CACNA2D3: variants seen among roughly 807,000 people sequenced by gnomAD.
CACNA2D3 encodes the protein calcium voltage-gated channel auxiliary subunit alpha2delta 3.
In CACNA2D3, 60 loss-of-function variants were observed where a neutral mutation model predicts 160.6. That is an observed-to-expected ratio of 0.37 (90% CI 0.30 to 0.46). The LOEUF (loss-of-function observed/expected upper bound fraction) is 0.46, where lower values mean the gene tolerates loss of function less well. Ranked by LOEUF, CACNA2D3 falls within the 20% of genes least tolerant of loss-of-function variation. The probability of loss-of-function intolerance (pLI) is 1.00; values close to 1 mark genes in which losing one functional copy is unlikely to be tolerated. For missense variants in CACNA2D3, 1,205 were observed against 1,365.0 expected (o/e 0.88, Z 1.85); for synonymous variants, 558 against 492.9 (o/e 1.13, Z -1.75).
intron 9 of CACNA2D3, among the ~76,000 whole-genome samples, chr3:54,605,903 C>T (rs1698598303): frequency 6.6e-6 from 1 of 152,174 alleles, no homozygotes; most frequent in South Asian, 2.1e-4. Context: ...TGCTCCAGCT[C>T]ATTTGAGTGA....
At chr3:54,562,631 G>C (rs1702344649) in intron 5 of CACNA2D3, among the ~76,000 whole-genome samples, 169 bp from the exon 6 acceptor site, 2 of 152,222 alleles carry the variant, frequency 1.3e-5, no homozygotes, top group African/African-American at 4.8e-5. Context: ...GGAATCCCCA[G>C]CATCTGGACA....
At chr3:54,713,689 C>T (rs939904359) in intron 11 of CACNA2D3, among the ~76,000 whole-genome samples, 12 of 152,182 alleles carry the variant, frequency 7.9e-5, no homozygotes, top group Non-Finnish European at 1.6e-4. Flanking sequence ...CTGGCAGAAA[C>T]TGCTAGGTCA....
In CACNA2D3 at chr3:54,963,710, A is replaced by C. The variant is rs189917207; in HGVS notation, c.2450-4740A>C. Among the ~76,000 whole-genome samples, 237 of 152,276 alleles carry C rather than the reference A, an allele frequency of 1.6e-3. 1 individual carries two copies. The highest frequency in any genetic ancestry group is 0.014 in the Middle Eastern group (4 of 294). Reference sequence around the variant, plus strand: ...TTTCTGTCAGCTCTGGGGATGCTGAAGTGTGAATCTCTCTTCGGTGATTTG... The same window carrying C: ...TTTCTGTCAGCTCTGGGGATGCTGACGTGTGAATCTCTCTTCGGTGATTTG... On this transcript the variant is annotated intron_variant, in intron 27 of 37. Transcript: ENST00000474759.
At chr3:54,480,594 T>C (rs187473430) in intron 4 of CACNA2D3, among the ~76,000 whole-genome samples, 1 of 152,136 alleles carries the variant, frequency 6.6e-6, no homozygotes, top group African/African-American at 2.4e-5. Context: ...ATAAAATATG[T>C]ATGAAATTTT....
chr3:54,558,972 G>A (rs1447681100), intron 5 of CACNA2D3, among the ~76,000 whole-genome samples: 2 of 152,058 alleles, frequency 1.3e-5, no homozygotes, highest in African/African-American at 2.4e-5. Context: ...GCTGAGGGGG[G>A]ATAGGAGGTA....
intron 4 of CACNA2D3, among the ~76,000 whole-genome samples, chr3:54,431,868 A>C (rs2106774866): frequency 6.6e-6 from 1 of 152,324 alleles, no homozygotes; most frequent in Admixed American, 6.5e-5. Context: ...TCAGCCTCCC[A>C]AAGTGCCGGG....
chr3:54,436,068 A>G (rs1027386616), intron 4 of CACNA2D3, among the ~76,000 whole-genome samples: 2 of 152,222 alleles, frequency 1.3e-5, no homozygotes, highest in African/African-American at 2.4e-5. Flanking sequence ...AGAGAGACCT[A>G]AAGGATCTTT....
At chr3:54,247,469 TAAA>T (rs989337430) in intron 2 of CACNA2D3, among the ~76,000 whole-genome samples, 1 of 151,862 alleles carries the variant, frequency 6.6e-6, no homozygotes, top group East Asian at 1.9e-4. Context: ...GCATTGGAAA[TAAA>T]AAATATTTTA....
intron 35 of CACNA2D3, among the ~76,000 whole-genome samples, chr3:55,045,527 A>C (rs901745078): frequency 6.6e-6 from 1 of 152,210 alleles, no homozygotes; most frequent in African/African-American, 2.4e-5. Flanking sequence ...ATCTGGGCTT[A>C]GAGATTTCGT....
At chr3:55,013,503 A>G (rs1030966040) in intron 34 of CACNA2D3, among the ~76,000 whole-genome samples, 1 of 152,236 alleles carries the variant, frequency 6.6e-6, no homozygotes, top group Admixed American at 6.5e-5. Context: ...TCCCAGACCC[A>G]GCGTAAGGAG....
At chr3:54,528,108 A>T (rs1701752856) in intron 5 of CACNA2D3, among the ~76,000 whole-genome samples, 1 of 152,102 alleles carries the variant, frequency 6.6e-6, no homozygotes, top group Non-Finnish European at 1.5e-5. Context: ...AAATCAGAAA[A>T]TTTAAGATGT....
At chr3:54,806,127 CT>C (rs1257637476) in intron 13 of CACNA2D3, among the ~76,000 whole-genome samples, 1 of 152,184 alleles carries the variant, frequency 6.6e-6, no homozygotes, top group Non-Finnish European at 1.5e-5. Context: ...GAAGCGTTCC[CT>C]TTGAAAACTG....
chr3:54,385,177 C>T (rs1699167759), intron 3 of CACNA2D3, among the ~76,000 whole-genome samples: 1 of 152,132 alleles, frequency 6.6e-6, no homozygotes, highest in Non-Finnish European at 1.5e-5. Context: ...GCTTGTTAGA[C>T]CAGATTGCTG....
intron 31 of CACNA2D3, among the ~76,000 whole-genome samples, chr3:55,004,342 T>G (rs1559460930): frequency 6.6e-6 from 1 of 152,220 alleles, no homozygotes; most frequent in Non-Finnish European, 1.5e-5. Flanking sequence ...AATCCTGCCA[T>G]GCTTTATCCC....
intron 4 of CACNA2D3, among the ~76,000 whole-genome samples, chr3:54,442,850 T>C (rs758881452): frequency 2.2e-4 from 34 of 152,182 alleles, no homozygotes; most frequent in Non-Finnish European, 3.8e-4. Context: ...GTCGTACCCG[T>C]CGCCAGCCTC....
chr3:54,280,747 C>A (rs1401527183), intron 2 of CACNA2D3, among the ~76,000 whole-genome samples: 1 of 152,160 alleles, frequency 6.6e-6, no homozygotes, highest in African/African-American at 2.4e-5. Flanking sequence ...CTTTGCTTTG[C>A]TGTTCCCTCT....
intron 11 of CACNA2D3, among the ~76,000 whole-genome samples, chr3:54,666,509 A>C (rs1165326878): frequency 2.0e-5 from 3 of 152,188 alleles, no homozygotes; most frequent in African/African-American, 7.2e-5. Context: ...TATATTTAAA[A>C]ATGAAGATGC....
chr3:54,588,576 T>G (rs1329905178), intron 9 of CACNA2D3, among the ~76,000 whole-genome samples: 1 of 152,074 alleles, frequency 6.6e-6, no homozygotes, highest in Non-Finnish European at 1.5e-5. Context: ...CAAAAAAATT[T>G]CCTAGAACTA....
intron 11 of CACNA2D3, among the ~76,000 whole-genome samples, chr3:54,666,754 G>T (rs757107019): frequency 4.6e-5 from 7 of 152,198 alleles, no homozygotes; most frequent in Non-Finnish European, 7.4e-5. Flanking sequence ...TAAGACAAAA[G>T]ATCAGTCTTA....
Sources: allele counts gnomAD v4.1 joint callset (sites outside exome capture counted in the v4.1 genomes callset), GRCh38; gene constraint gnomAD v4.1.1; transcripts MANE v1.5; gene names NCBI Gene and HGNC (gene_info 2026-07-23, HGNC 2026-07-21).